COPG2: variants seen among roughly 807,000 people sequenced by gnomAD.
COPG2 encodes the protein coat protein complex I subunit gamma 2.
In COPG2, 37 loss-of-function variants were observed where a neutral mutation model predicts 46.3. The ratio of observed to expected loss-of-function variants is 0.80; its 90% confidence interval spans 0.61 to 1.05. The LOEUF (loss-of-function observed/expected upper bound fraction) is 1.05. Ranked by LOEUF, COPG2 falls within the 50% of genes least tolerant of loss-of-function variation. The pLI, the probability that COPG2 is intolerant of heterozygous loss-of-function variation, is 0.00. For synonymous variants in COPG2, 159 were observed against 129.7 expected, an observed-to-expected ratio of 1.23 and a Z score of -1.53; for missense variants, 427 against 387.8, an observed-to-expected ratio of 1.10 and a Z score of -0.85.
chr7:130,579,550 T>C (rs368587759), intron 9 of COPG2, among the ~76,000 whole-genome samples: 29,203 of 151,942 alleles, frequency 0.19, 2,960 homozygotes, highest in Middle Eastern at 0.25. Context: ...AGACACAGAC[T>C]GGCAAATTGG....
chr7:130,514,676 G>A (rs1183744430), intron 20 of COPG2, among the ~76,000 whole-genome samples: 1 of 152,202 alleles, frequency 6.6e-6, no homozygotes, highest in Non-Finnish European at 1.5e-5. Context: ...AAACATTAAA[G>A]TTGACTCCAG....
intron 20 of COPG2, among the ~76,000 whole-genome samples, chr7:130,526,844 C>A (rs1031374279): frequency 1.2e-4 from 4 of 33,312 alleles, no homozygotes; most frequent in Non-Finnish European, 1.9e-4. Flanking sequence ...GGATGGGGTT[C>A]GGGGTGGGAT....
rs1300772465 is a variant in COPG2, at chr7:130,630,152, C to T, written c.324-13087G>A. ...GGTCTCGATCTCTTGACTTCATGAT[C>T]CACCTGCCTTGGCCTCCCAAAGTGC... On this transcript the variant is annotated intron_variant, in intron 5 of 23. Transcript: ENST00000425248. Among the ~76,000 whole-genome samples the T allele has an allele frequency of 3.3e-5, 5 of 152,198 alleles. No homozygotes were observed. The East Asian group carries it at 9.7e-4, about 29-fold the overall frequency.
At chr7:130,633,012 G>A (rs1349890745) in intron 5 of COPG2, among the ~76,000 whole-genome samples, 1 of 152,016 alleles carries the variant, frequency 6.6e-6, no homozygotes, top group Non-Finnish European at 1.5e-5. Flanking sequence ...TTCTGTTCCC[G>A]TGTTAGTTTG....
intron 20 of COPG2, among the ~76,000 whole-genome samples, chr7:130,545,956 C>G (rs1365130868): frequency 1.3e-5 from 2 of 152,008 alleles, no homozygotes; most frequent in African/African-American, 4.8e-5. Flanking sequence ...TTCTTAGATT[C>G]CGTTAAGAAT....
intron 20 of COPG2, among the ~76,000 whole-genome samples, chr7:130,518,389 T>C (rs1799696477): frequency 2.2e-4 from 34 of 152,148 alleles, no homozygotes; most frequent in South Asian, 2.1e-4. Context: ...TCAAAGCCAC[T>C]GATAGCACCT....
chr7:130,577,562 C>G (rs1290785030), intron 9 of COPG2, among the ~76,000 whole-genome samples: 1 of 151,602 alleles, frequency 6.6e-6, no homozygotes, highest in African/African-American at 2.4e-5. Flanking sequence ...GAGATCGAGA[C>G]CATCCTGGCT....
intron 9 of COPG2, chr7:130,608,145 AT>A (rs1254708830): frequency 5.0e-6 from 2 of 400,284 alleles, no homozygotes; most frequent in East Asian, 7.3e-5. Context: ...TAGTTATAAT[AT>A]TCATCCTCAA....
At chr7:130,545,341 G>C (rs1418206831) in intron 20 of COPG2, among the ~76,000 whole-genome samples, 1 of 152,054 alleles carries the variant, frequency 6.6e-6, no homozygotes, top group African/African-American at 2.4e-5. Flanking sequence ...TTTTCAAGTT[G>C]AAGGAAATCA....
intron 5 of COPG2, among the ~76,000 whole-genome samples, chr7:130,634,705 T>G (rs1181501315): frequency 6.6e-6 from 1 of 152,138 alleles, no homozygotes; most frequent in Non-Finnish European, 1.5e-5. Flanking sequence ...CTTTATTGCT[T>G]TCTCTTGCTT....
intron 20 of COPG2, among the ~76,000 whole-genome samples, chr7:130,522,378 C>T (rs1294759996): frequency 6.6e-6 from 1 of 152,064 alleles, no homozygotes; most frequent in Non-Finnish European, 1.5e-5. Context: ...GGAGGCAGTC[C>T]TAAAGGTGGA....
At chr7:130,578,759 T>A (rs1794068289) in intron 9 of COPG2, among the ~76,000 whole-genome samples, 2 of 151,464 alleles carry the variant, frequency 1.3e-5, no homozygotes, top group Admixed American at 1.3e-4. Flanking sequence ...CAATGGAAGA[T>A]TAAATGAATG....
chr7:130,621,860 C>T, intron 5 of COPG2, among the ~76,000 whole-genome samples: 1 of 147,098 alleles, frequency 6.8e-6, no homozygotes, highest in Non-Finnish European at 1.5e-5. Context: ...GGGAGAGTCA[C>T]TGGAACCCAG....
chr7:130,508,620 C>T lies in COPG2; in HGVS notation c.2189G>A (p.Arg730Gln), dbSNP rs782258897. 9.0e-6 allele frequency: 7 copies of T among 774,830 alleles called. No individual in the cohort carries two copies. The highest frequency in any genetic ancestry group is 2.4e-5 in the East Asian group (1 of 41,158). The allele number at this position is 774,830 out of a possible 1,614,324, so 48.0% of individuals were successfully genotyped here. ...AACTCCAGTGTTAGGGTCACAGTCC[C>T]GGACTGTAAACTTCATGGTGCAGCT... ...SFSCTMKFTV[R>Q]DCDPNTGVPD... Residue 730 changes from arginine (R) to glutamine (Q), a missense_variant, in exon 21 of 24, where the codon CGG becomes CAG. Transcript: ENST00000425248.
chr7:130,595,770 C>G (rs902140281), intron 9 of COPG2, among the ~76,000 whole-genome samples: 1 of 151,758 alleles, frequency 6.6e-6, no homozygotes, highest in African/African-American at 2.4e-5. Flanking sequence ...GTCTGGACAC[C>G]GGCTGGCGCT....
chr7:130,517,683 T>C (rs1484816907), intron 20 of COPG2, among the ~76,000 whole-genome samples: 1 of 152,192 alleles, frequency 6.6e-6, no homozygotes, highest in Non-Finnish European at 1.5e-5. Flanking sequence ...CTCAAGAGTA[T>C]AATGCTATAT....
At chr7:130,610,452 T>C (rs1794823236) in intron 9 of COPG2, 1 of 467,084 alleles carries the variant, frequency 2.1e-6, no homozygotes. Context: ...GAAGGGGTCT[T>C]CTTTGCTCCC....
At chr7:130,665,876 A>G (rs71581003) in intron 3 of COPG2, among the ~76,000 whole-genome samples, 3 of 152,192 alleles carry the variant, frequency 2.0e-5, no homozygotes, top group African/African-American at 4.8e-5. Context: ...ATTAATAACA[A>G]CAGCAGCAAG....
intron 20 of COPG2, among the ~76,000 whole-genome samples, chr7:130,512,052 TAAAAA>T (rs1182017221): frequency 6.1e-5 from 6 of 99,144 alleles, no homozygotes; most frequent in Admixed American, 1.1e-4. Flanking sequence ...CTGTGTCTTC[TAAAAA>T]AAAAAAAAAA....
Sources: gnomAD v4.1 joint callset for allele counts (sites outside exome capture counted in the v4.1 genomes callset) on GRCh38, gnomAD v4.1.1 for gene constraint, MANE v1.5 for transcripts, NCBI Gene and HGNC (gene_info 2026-07-23, HGNC 2026-07-21) for gene names.